Variants in RFC1 observed in about 807,000 individuals in gnomAD.
RFC1 encodes replication factor C subunit 1.
Under a neutral mutation model 137.4 loss-of-function variants are expected in RFC1, and 37 were observed. The ratio of observed to expected loss-of-function variants is 0.27; its 90% CI spans 0.21 to 0.35. RFC1 has a LOEUF of 0.35. RFC1 is among the 10% of genes least tolerant of loss of function. RFC1 has a pLI of 1.00. For missense variants in RFC1, 1,205 were observed against 1,358.5 expected (o/e 0.89, Z 1.78); for synonymous variants, 429 against 455.7 (o/e 0.94, Z 0.75).
chr4:39,355,138 A>C (rs542115947), intron 1 of RFC1, among the ~76,000 whole-genome samples: 1 of 102,808 alleles, frequency 9.7e-6, no homozygotes. Context: ...CACACACACA[A>C]CAGGCCAGGT....
rs530709700 is a variant in RFC1, at chr4:39,296,012, G to A, written c.2809-253C>T. 3 of 312,066 alleles carry A rather than the reference G, an allele frequency of 9.6e-6. No homozygotes were observed. In the East Asian group the frequency reaches 1.6e-4, roughly 17 times the overall value. The allele number at this position is 312,066 out of a possible 1,614,324, so 19.3% of individuals were successfully genotyped here. A position where few individuals can be genotyped will look rare whatever the true frequency, so the allele number is the denominator to read the frequency against. On this transcript the variant is annotated intron_variant, in intron 21 of 24. Coordinates refer to ENST00000349703, the MANE Select transcript of RFC1 (RefSeq NM_002913.5). ...TCAGGGAGATCATGTCGCCAACTCA[G>A]CCTCCTCAAGCAACTAATCTCAACA... is the stretch of plus-strand genomic sequence containing the variant.
At chr4:39,329,828 A>G in intron 4 of RFC1, among the ~76,000 whole-genome samples, 1 of 152,150 alleles carries the variant, frequency 6.6e-6, no homozygotes, top group East Asian at 1.9e-4. Flanking sequence ...TGAGGTCAGG[A>G]GTTCAAGACC....
Position 39,300,304 on chromosome 4 carries a change from G to A in RFC1, c.2646C>T (p.Leu882=), listed in dbSNP as rs141440382. Residue 882 remains leucine, a synonymous_variant, in exon 20 of 25, where the codon CTC becomes CTT. Coordinates refer to ENST00000349703, the MANE Select transcript of RFC1 (RefSeq NM_002913.5). ...LFFHDYSIAP[L]FVQENYIHVK... is the part of the protein sequence containing the mutation. ...CGTGTATGTAATTTTCCTGGACGAA[G>A]AGGGGTGCTATTGAATAATCATGAA... The A allele has an allele frequency of 8.1e-6, 13 of 1,614,022 alleles. No individual in the cohort carries two copies. In the African/African-American group the frequency reaches 1.6e-4, roughly 20 times the overall value.
chr4:39,325,408 G>A (rs1174482274), intron 6 of RFC1, among the ~76,000 whole-genome samples: 3 of 152,250 alleles, frequency 2.0e-5, no homozygotes, highest in Admixed American at 6.5e-5. Flanking sequence ...CGAGAGACAA[G>A]GTATTGCTCT....
Position 39,302,802 on chromosome 4 carries a change from T to C in RFC1, c.2275A>G (p.Ile759Val), listed in dbSNP as rs748839045. 6 of 1,605,278 alleles carry C rather than the reference T, an allele frequency of 3.7e-6. No homozygotes were observed. In the East Asian group the frequency reaches 6.7e-5, roughly 18 times the overall value. The change falls in exon 17 of 25, where the codon ATT becomes GTT. Residue 759 changes from isoleucine (I) to valine (V), a missense_variant. Ile to Val is a conservative substitution (Grantham distance 29). Transcript: ENST00000349703. ...CMCNDRNHPK[I>V]RSLVHYCFDL... ...AAACAATAATGAACCAGAGAGCGAA[T>C]CTTGGGATGATTTCTATCATTGCAC...
At chr4:39,323,895 C>CT (rs1350315984) in intron 6 of RFC1, among the ~76,000 whole-genome samples, 1 of 152,128 alleles carries the variant, frequency 6.6e-6, no homozygotes, top group Non-Finnish European at 1.5e-5. Flanking sequence ...TGTAAAATCA[C>CT]TTTTACTATC....
intron 23 of RFC1, 35 bp from the exon 24 acceptor site, chr4:39,290,074 C>A (rs745895821): frequency 6.7e-7 from 1 of 1,487,424 alleles, no homozygotes; most frequent in South Asian, 1.2e-5. Context: ...TTTTAAAAAT[C>A]TAAGTCCCAA....
At chr4:39,313,369 C>T (rs1466396894) in intron 10 of RFC1, among the ~76,000 whole-genome samples, 1 of 152,186 alleles carries the variant, frequency 6.6e-6, no homozygotes, top group African/African-American at 2.4e-5. Context: ...AGGTATACTC[C>T]TATCATTTTG....
In RFC1 at chr4:39,306,838, T is replaced by C. The variant is rs1424745095; in HGVS notation, c.1886-137A>G. 3 of 629,034 alleles carry C rather than the reference T, an allele frequency of 4.8e-6. No individual in the cohort carries two copies. The African/African-American group carries it at 5.5e-5, about 12-fold the overall frequency. The allele number at this position is 629,034 out of a possible 1,614,324, so 39.0% of individuals were successfully genotyped here. ...AGTTCTAAATTTGCAGACTATTTTCTACAAAGCATAAACAAGTTTCCAGAG... is the reference window on the plus strand; with the variant it reads ...AGTTCTAAATTTGCAGACTATTTTCCACAAAGCATAAACAAGTTTCCAGAG... On this transcript the variant is annotated intron_variant, in intron 13 of 24. Coordinates refer to ENST00000349703, the MANE Select transcript of RFC1 (RefSeq NM_002913.5).
intron 21 of RFC1, among the ~76,000 whole-genome samples, chr4:39,298,989 T>C (rs1337519199): frequency 6.6e-6 from 1 of 152,058 alleles, no homozygotes; most frequent in African/African-American, 2.4e-5. Context: ...TGCAGCACTG[T>C]GACATGTTCA....
intron 14 of RFC1, 99 bp downstream of exon 14, chr4:39,306,493 C>CAT: frequency 1.5e-6 from 1 of 660,598 alleles, no homozygotes. Flanking sequence ...AGACACCACA[C>CAT]ACACACATGC....
At chr4:39,321,724 T>C (rs897822166) in intron 7 of RFC1, 2 of 163,510 alleles carry the variant, frequency 1.2e-5, no homozygotes, top group South Asian at 2.0e-4. Flanking sequence ...TTTAAAAGAC[T>C]AAAATAAAAA....
intron 15 of RFC1, 43 bp from the exon 16 acceptor site, chr4:39,303,194 T>A: frequency 1.5e-6 from 2 of 1,318,252 alleles, no homozygotes; most frequent in Non-Finnish European, 1.1e-6. Flanking sequence ...AAAAACAAAA[T>A]AACAATTGCT....
intron 6 of RFC1, 95 bp downstream of exon 6, chr4:39,326,468 T>C (rs763106229): frequency 1.2e-6 from 1 of 838,828 alleles, no homozygotes. Context: ...TTATTTTACA[T>C]GTAACTTCCA....
intron 17 of RFC1, 39 bp downstream of exon 17, chr4:39,302,698 T>C (rs1738424745): frequency 9.1e-6 from 14 of 1,538,686 alleles, no homozygotes; most frequent in African/African-American, 1.4e-5. Context: ...CTTAAATAAA[T>C]AGGCTAGTGT....
At chr4:39,320,044 T>TA (rs1739433972) in intron 9 of RFC1, among the ~76,000 whole-genome samples, 2 of 152,174 alleles carry the variant, frequency 1.3e-5, no homozygotes, top group Admixed American at 1.3e-4. Context: ...GGGAATACTG[T>TA]ACTCCCTAGA....
intron 1 of RFC1, among the ~76,000 whole-genome samples, chr4:39,361,140 G>A (rs2075215169): frequency 6.6e-6 from 1 of 152,212 alleles, no homozygotes; most frequent in Non-Finnish European, 1.5e-5. Context: ...TGTAATCCCA[G>A]CACTTTGGGA....
chr4:39,334,684 T>C (rs1043354872), intron 4 of RFC1, among the ~76,000 whole-genome samples: 1 of 152,196 alleles, frequency 6.6e-6, no homozygotes, highest in African/African-American at 2.4e-5. Context: ...GATAAACAGA[T>C]CTAAGTCAAA....
intron 4 of RFC1, among the ~76,000 whole-genome samples, chr4:39,331,188 T>A (rs1000055739): frequency 6.6e-6 from 1 of 152,212 alleles, no homozygotes; most frequent in Admixed American, 6.5e-5. Flanking sequence ...ACCCAGTATA[T>A]GTTAAATTTC....
Sources: gnomAD v4.1 joint callset for allele counts (sites outside exome capture counted in the v4.1 genomes callset) on GRCh38, gnomAD v4.1.1 for gene constraint, MANE v1.5 for transcripts, NCBI Gene and HGNC (gene_info 2026-07-23, HGNC 2026-07-21) for gene names.